The following STPG2 variants were observed in gnomAD, a reference collection of about 807,000 sequenced individuals.
The protein encoded by STPG2 is sperm-tail PG-rich repeat-containing protein 2.
Under a neutral mutation model 54.2 loss-of-function variants are expected in STPG2, and 56 were observed. That is an observed-to-expected ratio of 1.03 (90% CI 0.83 to 1.29). The LOEUF (loss-of-function observed/expected upper bound fraction) is 1.29, where lower values mean the gene tolerates loss of function less well. STPG2 is among the 50% of genes most tolerant of loss of function. The pLI is 0.00. For synonymous variants in STPG2, 200 were observed against 181.8 expected (o/e 1.10, Z -0.81); for missense variants, 596 against 544.9 (o/e 1.09, Z -0.93).
At chr4:97,970,898 T>C (rs2149256115) in intron 7 of STPG2, among the ~76,000 whole-genome samples, 1 of 152,294 alleles carries the variant, frequency 6.6e-6, no homozygotes, top group East Asian at 1.9e-4. Flanking sequence ...AGAAAATTTT[T>C]GCAATCTACC....
At chr4:97,800,074 G>A (rs1727333241) in intron 9 of STPG2, among the ~76,000 whole-genome samples, 1 of 152,136 alleles carries the variant, frequency 6.6e-6, no homozygotes, top group African/African-American at 2.4e-5. Flanking sequence ...ATTCTAGTTA[G>A]CCATTCATCT....
intron 4 of STPG2, among the ~76,000 whole-genome samples, chr4:97,483,800 C>T (rs554717556): frequency 6.6e-6 from 1 of 151,882 alleles, no homozygotes; most frequent in South Asian, 2.1e-4. Context: ...ATGGAACTTT[C>T]TCCAAGATAG....
intron 9 of STPG2, among the ~76,000 whole-genome samples, chr4:97,748,049 A>AT (rs1248176258): frequency 6.6e-6 from 1 of 151,430 alleles, no homozygotes; most frequent in Non-Finnish European, 1.5e-5. Flanking sequence ...ACATTTGTTC[A>AT]TTTTCATGTG....
intron 8 of STPG2, among the ~76,000 whole-genome samples, chr4:97,923,496 G>C (rs1732208917): frequency 6.6e-6 from 1 of 152,272 alleles, no homozygotes; most frequent in Admixed American, 6.5e-5. Flanking sequence ...GAGTCTAGTG[G>C]GGACTTGGAG....
chr4:97,780,784 A>AAACTGCTC (rs1726572247), intron 9 of STPG2, among the ~76,000 whole-genome samples: 1 of 152,116 alleles, frequency 6.6e-6, no homozygotes, highest in African/African-American at 2.4e-5. Context: ...AACTCACTCA[A>AAACTGCTC]AACTGCTCAA....
At chr4:97,799,552 G>A (rs960605121) in intron 9 of STPG2, among the ~76,000 whole-genome samples, 95 of 152,302 alleles carry the variant, frequency 6.2e-4, no homozygotes, top group Admixed American at 8.5e-4. Context: ...CGAGAGATCC[G>A]CTGTTAGTCT....
rs949338883 is a variant in STPG2, at chr4:98,110,201, G to A, written c.388-896C>T. Among the ~76,000 whole-genome samples, 9 of 152,116 alleles carry A rather than the reference G, an allele frequency of 5.9e-5. No individual in the cohort carries two copies. In the East Asian group the frequency reaches 1.4e-3, roughly 23 times the overall value. On this transcript the variant is annotated intron_variant, in intron 3 of 10. Transcript: ENST00000295268. ...GCCCCCCCAGCCAAGAATGTCAGGC[G>A]ACCATCAGGTGATGGTCAGGCAGTT...
intron 4 of STPG2, among the ~76,000 whole-genome samples, chr4:97,507,813 G>C (rs1440760093): frequency 6.6e-6 from 1 of 152,024 alleles, no homozygotes; most frequent in African/African-American, 2.4e-5. Context: ...TCCCCACAAA[G>C]AGTCAGGGCA....
At chr4:97,445,002 A>G (rs1294604981) in intron 4 of STPG2, among the ~76,000 whole-genome samples, 3 of 152,130 alleles carry the variant, frequency 2.0e-5, no homozygotes, top group Non-Finnish European at 4.4e-5. Flanking sequence ...GTGCCACTGC[A>G]CTCCAGCCTG....
intron 5 of STPG2, among the ~76,000 whole-genome samples, chr4:98,023,586 A>T (rs1736305958): frequency 1.3e-5 from 2 of 152,176 alleles, no homozygotes; most frequent in Non-Finnish European, 2.9e-5. Flanking sequence ...TTAAGTCTGC[A>T]GAGGTTACTG....
chr4:98,065,668 T>C (rs942618154), intron 5 of STPG2, among the ~76,000 whole-genome samples: 1 of 152,160 alleles, frequency 6.6e-6, no homozygotes, highest in South Asian at 2.1e-4. Context: ...AGGCTATCAC[T>C]GCAACAACCA....
At chr4:97,658,997 G>A (rs1281276333) in intron 10 of STPG2, among the ~76,000 whole-genome samples, 2 of 152,032 alleles carry the variant, frequency 1.3e-5, no homozygotes, top group African/African-American at 2.4e-5. Flanking sequence ...ACGTTCCTTT[G>A]GGGAGAAAAC....
At chr4:98,106,398 C>A (rs2110141243) in intron 4 of STPG2, among the ~76,000 whole-genome samples, 1 of 151,982 alleles carries the variant, frequency 6.6e-6, no homozygotes, top group Non-Finnish European at 1.5e-5. Flanking sequence ...GTCTAAAATT[C>A]CAAATCAACT....
chr4:97,992,788 T>C (rs1261946965), intron 5 of STPG2, among the ~76,000 whole-genome samples: 1 of 152,094 alleles, frequency 6.6e-6, no homozygotes, highest in Non-Finnish European at 1.5e-5. Flanking sequence ...AGTGTAGTTT[T>C]CCTTTGAGAG....
At chr4:97,583,631 A>G (rs908544253) in intron 10 of STPG2, among the ~76,000 whole-genome samples, 2 of 151,876 alleles carry the variant, frequency 1.3e-5, no homozygotes, top group African/African-American at 4.8e-5. Flanking sequence ...CTGTCCAGGG[A>G]CTCAAGTAAT....
chr4:97,561,132 T>A (rs1415337299), intron 10 of STPG2, among the ~76,000 whole-genome samples: 1 of 152,096 alleles, frequency 6.6e-6, no homozygotes, highest in South Asian at 2.1e-4. Flanking sequence ...GACTTTTTAA[T>A]GATTGCCATT....
At chr4:97,906,603 T>G (rs1365783916) in intron 8 of STPG2, among the ~76,000 whole-genome samples, 2 of 152,148 alleles carry the variant, frequency 1.3e-5, no homozygotes, top group East Asian at 1.9e-4. Flanking sequence ...TGAACATTGA[T>G]GCAAAAATCC....
Position 97,972,557 on chromosome 4 carries a change from G to T in STPG2, c.773-117C>A, listed in dbSNP as rs143079545. Reference sequence around the variant, plus strand: ...AAATAAAAAACCCTCACATATTTCTGGCATAAATGTAAAATGGCATAGTCG... The same window carrying T: ...AAATAAAAAACCCTCACATATTTCTTGCATAAATGTAAAATGGCATAGTCG... On this transcript the variant is annotated intron_variant, in intron 6 of 10. Transcript: ENST00000295268. 1.2e-4 allele frequency: 71 copies of T among 584,154 alleles called. No homozygotes were observed. In the African/African-American group the frequency reaches 1.2e-3, roughly 10 times the overall value. The allele number at this position is 584,154 out of a possible 1,614,324, so 36.2% of individuals were successfully genotyped here. A position where few individuals can be genotyped will look rare whatever the true frequency, so the allele number is the denominator to read the frequency against.
At chr4:97,696,452 A>C (rs1447320983) in intron 10 of STPG2, among the ~76,000 whole-genome samples, 2 of 152,252 alleles carry the variant, frequency 1.3e-5, no homozygotes, top group African/African-American at 4.8e-5. Context: ...ACCCTTTTAG[A>C]CACTGGCTTA....
Sources: allele counts gnomAD v4.1 joint callset (sites outside exome capture counted in the v4.1 genomes callset), GRCh38; gene constraint gnomAD v4.1.1; transcripts MANE v1.5; gene names NCBI Gene and HGNC (gene_info 2026-07-23, HGNC 2026-07-21).